Variants in RNF17 observed in about 807,000 individuals in gnomAD.
RNF17 encodes the protein ring finger protein 17.
Under a neutral mutation model 200.5 loss-of-function variants are expected in RNF17, and 31 were observed. That is an observed-to-expected ratio of 0.15 (90% confidence interval 0.12 to 0.21). The LOEUF (loss-of-function observed/expected upper bound fraction) is 0.21. RNF17 is among the 10% of genes least tolerant of loss of function. The pLI is 1.00. For synonymous variants in RNF17, 606 were observed against 637.8 expected (o/e 0.95, Z 0.75); for missense variants, 1,628 against 1,905.1 (o/e 0.85, Z 2.71).
rs187903054 is a variant in RNF17 at position 24,875,697 on chromosome 13, T to C, written c.4584-1300T>C. ...CAGAGGAAGCATGACTTTCCCAGTG[T>C]GATCCTAAAGGCAGAGCATAGTGAA... On this transcript the variant is annotated intron_variant, in intron 33 of 35. Transcript: ENST00000255324. Among the ~76,000 whole-genome samples the C allele has an allele frequency of 5.3e-5, 8 of 152,308 alleles. No individual in the cohort carries two copies. In the East Asian group the frequency reaches 1.4e-3, roughly 26 times the overall value.
chr13:24,792,347 A>G (rs1323216507), intron 9 of RNF17, among the ~76,000 whole-genome samples: 1 of 152,188 alleles, frequency 6.6e-6, no homozygotes, highest in Non-Finnish European at 1.5e-5. Context: ...AAGAGCAGGT[A>G]TTCAAACAGG....
At chr13:24,821,543 T>C (rs934280217) in intron 15 of RNF17, among the ~76,000 whole-genome samples, 1 of 152,284 alleles carries the variant, frequency 6.6e-6, no homozygotes, top group South Asian at 2.1e-4. Context: ...CTTTTTTCTT[T>C]CTGCTTCTCA....
At chr13:24,857,341 G>A (rs1251635677) in intron 25 of RNF17, among the ~76,000 whole-genome samples, 1 of 90,838 alleles carries the variant, frequency 1.1e-5, no homozygotes, top group Non-Finnish European at 2.9e-5. Context: ...ACAATGACAC[G>A]TGGTTGGCAG....
Position 24,793,354 on chromosome 13 carries a change from A to G in RNF17, c.1240+8A>G, listed in dbSNP as rs777344230. 13 of 1,573,980 alleles carry G rather than the reference A, an allele frequency of 8.3e-6. No homozygotes were observed. In the African/African-American group the frequency reaches 9.6e-5, roughly 12 times the overall value. On this transcript the variant is annotated splice_region_variant and intron_variant, in intron 10 of 35. Transcript: ENST00000255324. ...TTGAAGACAACGTGGAAAGTAAGTT[A>G]AAATGTAAAAGCAGAGGGGAAAGAT...
At chr13:24,887,843 A>C in the RNF17 span, among the ~76,000 whole-genome samples, 1 of 152,184 alleles carries the variant, frequency 6.6e-6, no homozygotes, top group Non-Finnish European at 1.5e-5. Flanking sequence ...TGCTGTTGGA[A>C]AAATGGCACC....
At chr13:24,842,612 C>T (rs570494209) in intron 19 of RNF17, among the ~76,000 whole-genome samples, 1 of 152,040 alleles carries the variant, frequency 6.6e-6, no homozygotes, top group African/African-American at 2.4e-5. Context: ...TAATACTCAC[C>T]CAGGACAGGC....
At chr13:24,801,185 A>G (rs58612335) in intron 13 of RNF17, among the ~76,000 whole-genome samples, 1 of 152,152 alleles carries the variant, frequency 6.6e-6, no homozygotes. Context: ...TTTGTTTTTA[A>G]TTTTCTCTTT....
At chr13:24,860,816 A>G (rs994561899) in intron 26 of RNF17, among the ~76,000 whole-genome samples, 1 of 152,148 alleles carries the variant, frequency 6.6e-6, no homozygotes, top group Non-Finnish European at 1.5e-5. Flanking sequence ...GGATGAGGGA[A>G]TAAATACAGT....
intron 6 of RNF17, among the ~76,000 whole-genome samples, chr13:24,785,588 C>T (rs1370817335): frequency 6.6e-6 from 1 of 152,026 alleles, no homozygotes; most frequent in Non-Finnish European, 1.5e-5. Context: ...GTATAGTGTT[C>T]TAAATATGTC....
chr13:24,873,732 C>T (rs1167251373), intron 32 of RNF17, among the ~76,000 whole-genome samples: 13 of 130,126 alleles, frequency 1.0e-4, no homozygotes, highest in Non-Finnish European at 2.0e-4. Context: ...CTTTCATGGC[C>T]TCATGTAACT....
chr13:24,841,191 T>G (rs1169982054), intron 18 of RNF17, among the ~76,000 whole-genome samples: 1 of 152,246 alleles, frequency 6.6e-6, no homozygotes, highest in East Asian at 1.9e-4. Context: ...CAGTCTAGTT[T>G]AAGAAATAGA....
At chr13:24,749,307 C>CTTTTTTTT in the RNF17 span, among the ~76,000 whole-genome samples, 3,038 of 107,934 alleles carry the variant, frequency 0.028, 239 homozygotes, top group Admixed American at 0.043. Context: ...TTCTTTCTTT[C>CTTTTTTTT]TTTTTTTTTT....
chr13:24,767,730 G>C (rs1879930606), intron 2 of RNF17, among the ~76,000 whole-genome samples: 1 of 145,288 alleles, frequency 6.9e-6, no homozygotes, highest in Non-Finnish European at 1.5e-5. Context: ...TCTGGCGACA[G>C]AGCAAGACTC....
chr13:24,764,609 A>C (rs908915878), intron 1 of RNF17, among the ~76,000 whole-genome samples: 1 of 152,168 alleles, frequency 6.6e-6, no homozygotes, highest in East Asian at 1.9e-4. Flanking sequence ...GGGTGGCTTT[A>C]ATCTACTCCT....
intron 18 of RNF17, among the ~76,000 whole-genome samples, chr13:24,835,670 G>A (rs1270809286): frequency 2.6e-5 from 4 of 152,126 alleles, no homozygotes; most frequent in Non-Finnish European, 4.4e-5. Context: ...AAATCTGAAC[G>A]ACAGTCTTCA....
intron 18 of RNF17, among the ~76,000 whole-genome samples, chr13:24,833,915 G>C (rs1160708338): frequency 6.6e-6 from 1 of 152,202 alleles, no homozygotes; most frequent in Non-Finnish European, 1.5e-5. Context: ...AGAACACAGA[G>C]AAAGTTGACC....
Position 24,874,841 on chromosome 13 carries a change from A to G in RNF17, c.4583+592A>G, listed in dbSNP as rs562031150. Among the ~76,000 whole-genome samples, 10 of 152,366 alleles carry G rather than the reference A, an allele frequency of 6.6e-5. No homozygotes were observed. The South Asian group carries it at 1.7e-3, about 25-fold the overall frequency. On this transcript the variant is annotated intron_variant, in intron 33 of 35. Coordinates refer to ENST00000255324, the MANE Select transcript of RNF17 (RefSeq NM_031277.3). ...AACAGAAACCCTGCACCTGTTAAGT[A>G]ATAGGATCACAGTCCATTCTCACCC...
intron 15 of RNF17, among the ~76,000 whole-genome samples, chr13:24,809,093 G>A (rs1186257915): frequency 5.3e-5 from 8 of 151,474 alleles, no homozygotes; most frequent in South Asian, 4.2e-4. Flanking sequence ...CAAGGATATC[G>A]GTCTAAAATT....
Position 24,851,476 on chromosome 13 carries a change from A to G in RNF17, c.3225A>G (p.Pro1075=), listed in dbSNP as rs762162027. ...VDSEENNTTW[P]LPVKIFCRDE... is the part of the protein sequence containing the mutation. ...TACAGGAAAACAACACAACATGGCC[A>G]TTACCTGTGAAAATTTTCTGCAGAG... The change falls in exon 24 of 36, where the codon CCA becomes CCG. Residue 1075 remains proline, a synonymous_variant. Coordinates refer to ENST00000255324, the MANE Select transcript of RNF17 (RefSeq NM_031277.3). The G allele has an allele frequency of 1.9e-6, 3 of 1,612,762 alleles. No homozygotes were observed. Among genetic ancestry groups the G allele is most frequent in the Non-Finnish European group, 2.5e-6 (3 of 1,179,226 alleles).
Sources: allele counts gnomAD v4.1 joint callset (sites outside exome capture counted in the v4.1 genomes callset), GRCh38; gene constraint gnomAD v4.1.1; transcripts MANE v1.5; gene names NCBI Gene and HGNC (gene_info 2026-07-23, HGNC 2026-07-21).